CSMD2: variants seen among roughly 807,000 people sequenced by gnomAD.
CSMD2 encodes CUB and sushi domain-containing protein 2.
A neutral mutation model predicts 398.5 loss-of-function variants in CSMD2; 130 were observed. The ratio of observed to expected loss-of-function variants is 0.33; its 90% CI spans 0.28 to 0.38. The LOEUF (loss-of-function observed/expected upper bound fraction) is 0.38, where lower values mean the gene tolerates loss of function less well. Among genes scored for constraint, CSMD2 ranks in the 10% least tolerant of loss-of-function variants. The pLI, the probability that CSMD2 is intolerant of heterozygous loss-of-function variation, is 1.00. For missense variants in CSMD2, 3,829 were observed against 4,764.9 expected (o/e 0.80, Z 5.78); for synonymous variants, 1,828 against 1,908.5 (o/e 0.96, Z 1.10).
intron 44 of CSMD2, among the ~76,000 whole-genome samples, chr1:33,587,431 G>A (rs192003997): frequency 1.4e-4 from 21 of 152,268 alleles, no homozygotes; most frequent in African/African-American, 3.9e-4. Context: ...GGAGAGGAGC[G>A]TTTTCTGAGT....
chr1:34,087,116 G>T (rs184332615), intron 2 of CSMD2, among the ~76,000 whole-genome samples: 1 of 151,906 alleles, frequency 6.6e-6, no homozygotes, highest in Non-Finnish European at 1.5e-5. Flanking sequence ...TCCTCCAAAC[G>T]GTGGCCCTGT....
Position 33,864,534 on chromosome 1 carries a change from A to G in CSMD2, c.921-17538T>C. ...CCACTATGCTCAGCTGAAGAGGGAG[A>G]ACCCGAACTGGTCGGTGGTGCAGGT... On this transcript the variant is annotated intron_variant, in intron 5 of 70. Transcript: ENST00000373381. 1 of 1,614,122 alleles carries G rather than the reference A, an allele frequency of 6.2e-7. No homozygotes were observed. The highest frequency in any genetic ancestry group is 8.5e-7 in the Non-Finnish European group (1 of 1,180,016).
intron 4 of CSMD2, among the ~76,000 whole-genome samples, chr1:33,921,801 A>G (rs1280286489): frequency 1.3e-5 from 2 of 152,168 alleles, no homozygotes; most frequent in African/African-American, 4.8e-5. Flanking sequence ...CAGGAAGTAC[A>G]AGTCCAGACC....
At chr1:33,895,855 C>T (rs561234639) in intron 5 of CSMD2, among the ~76,000 whole-genome samples, 4 of 152,232 alleles carry the variant, frequency 2.6e-5, no homozygotes, top group East Asian at 1.9e-4. Context: ...GGGTCTGAAG[C>T]CGCAGTGCTC....
intron 1 of CSMD2, among the ~76,000 whole-genome samples, chr1:34,133,572 A>G (rs1638377866): frequency 6.6e-6 from 1 of 151,998 alleles, no homozygotes; most frequent in Admixed American, 6.6e-5. Context: ...TGGAGGTTGC[A>G]GTGAGCCAAT....
At chr1:33,593,389 C>T (rs931227249) in intron 44 of CSMD2, among the ~76,000 whole-genome samples, 1 of 152,102 alleles carries the variant, frequency 6.6e-6, no homozygotes, top group African/African-American at 2.4e-5. Context: ...TGAGACTGGG[C>T]AATTTACAAA....
chr1:33,981,710 T>A (rs563955953), intron 3 of CSMD2, among the ~76,000 whole-genome samples: 57 of 152,312 alleles, frequency 3.7e-4, no homozygotes, highest in African/African-American at 1.3e-3. Context: ...CTGCCAAGTA[T>A]GTAATCATAG....
At chr1:33,758,361 T>C (rs1032272448) in intron 13 of CSMD2, among the ~76,000 whole-genome samples, 29 of 152,330 alleles carry the variant, frequency 1.9e-4, no homozygotes, top group African/African-American at 7.0e-4. Context: ...GCTTGAGGGC[T>C]GTGGAATAAA....
At chr1:33,987,876 C>G (rs916890222) in intron 3 of CSMD2, among the ~76,000 whole-genome samples, 7 of 152,152 alleles carry the variant, frequency 4.6e-5, no homozygotes, top group Non-Finnish European at 5.9e-5. Context: ...TCCCAGCCCC[C>G]ACATCTCCAC....
chr1:33,835,767 A>G (rs923313887), intron 6 of CSMD2, among the ~76,000 whole-genome samples: 1 of 148,354 alleles, frequency 6.7e-6, no homozygotes, highest in African/African-American at 2.5e-5. Context: ...CATTTGTCTA[A>G]TCTTTTTTCA....
At chr1:33,535,569 C>T (rs759271077) in intron 62 of CSMD2, among the ~76,000 whole-genome samples, 1 of 152,178 alleles carries the variant, frequency 6.6e-6, no homozygotes, top group Non-Finnish European at 1.5e-5. Context: ...GTGACATGTG[C>T]AAGAGTGCCT....
At chr1:33,666,411 G>A (rs1644318152) in intron 25 of CSMD2, among the ~76,000 whole-genome samples, 1 of 152,018 alleles carries the variant, frequency 6.6e-6, no homozygotes, top group African/African-American at 2.4e-5. Flanking sequence ...TCTTTGTTAT[G>A]GTTTTCTTCT....
At position 33,653,421 on chromosome 1, in the gene CSMD2, C is replaced by T. The variant is rs188252932; in HGVS notation, c.4448-960G>A. Among the ~76,000 whole-genome samples the T allele has an allele frequency of 2.6e-3, 400 of 152,346 alleles. 2 individuals carry two copies. The highest frequency in any genetic ancestry group is 9.1e-3 in the African/African-American group (379 of 41,578). On this transcript the variant is annotated intron_variant, in intron 27 of 70. Coordinates refer to ENST00000373381, the MANE Select transcript of CSMD2 (RefSeq NM_001281956.2). ...CCTGCCAAGCGCAGCTGGTCTCCTA[C>T]GCTGCCAGTGCTCCTGGCATCTGCT...
intron 25 of CSMD2, among the ~76,000 whole-genome samples, chr1:33,665,391 A>AAAAAC (rs1644273525): frequency 6.6e-6 from 1 of 151,894 alleles, no homozygotes. Context: ...CCAACGATTC[A>AAAAAC]AAAACAAAAC....
Position 33,623,470 on chromosome 1 carries a change from G to T in CSMD2, c.5626-4C>A. The T allele has an allele frequency of 6.2e-7, 1 of 1,612,604 alleles. No homozygotes were observed. The highest frequency in any genetic ancestry group is 8.5e-7 in the Non-Finnish European group (1 of 1,178,716). ...TCACAAAACTGACAACTTGGATCTG[G>T]GAAGGGAGAAGAGTGAATTGTTGGT... On this transcript the variant is annotated splice_region_variant and splice_polypyrimidine_tract_variant and intron_variant, in intron 35 of 70. Coordinates refer to ENST00000373381, the MANE Select transcript of CSMD2 (RefSeq NM_001281956.2).
At chr1:33,788,201 G>A (rs1653769396) in intron 12 of CSMD2, among the ~76,000 whole-genome samples, 1 of 152,066 alleles carries the variant, frequency 6.6e-6, no homozygotes. Flanking sequence ...GAGGAAGCTA[G>A]TGCAGGGGAG....
chr1:33,568,189 C>CTTTTTTTT (rs370507143), intron 52 of CSMD2, among the ~76,000 whole-genome samples: 3 of 141,336 alleles, frequency 2.1e-5, no homozygotes, highest in Non-Finnish European at 3.0e-5. Flanking sequence ...TCAGGAGCAT[C>CTTTTTTTT]TTTTTTTTTT....
In CSMD2 at chr1:33,611,294, C is replaced by A. The variant is rs375742480; in HGVS notation, c.6134-44G>T. 5 of 1,537,996 alleles carry A rather than the reference C, an allele frequency of 3.3e-6. No homozygotes were observed. In the African/African-American group the frequency reaches 5.5e-5, roughly 17 times the overall value. ...CAGACAGTGCCCAAAGCAACACAGTCCTGCCTCAAGTGTGCTGCCTCATGA... is the reference window on the plus strand; with the variant it reads ...CAGACAGTGCCCAAAGCAACACAGTACTGCCTCAAGTGTGCTGCCTCATGA... On this transcript the variant is annotated intron_variant, in intron 40 of 70. Transcript: ENST00000373381.
chr1:33,826,618 C>T (rs1658854348), intron 6 of CSMD2, among the ~76,000 whole-genome samples: 1 of 152,190 alleles, frequency 6.6e-6, no homozygotes, highest in Non-Finnish European at 1.5e-5. Context: ...CTGGCTTTGA[C>T]CCTGTCACTA....
Sources: allele counts gnomAD v4.1 joint callset (sites outside exome capture counted in the v4.1 genomes callset), GRCh38; gene constraint gnomAD v4.1.1; transcripts MANE v1.5; gene names NCBI Gene and HGNC (gene_info 2026-07-23, HGNC 2026-07-21).